The following MTSS1 variants were observed in gnomAD, a reference collection of about 807,000 sequenced individuals.
MTSS1 encodes MTSS I-BAR domain containing 1, also known as protein MTSS 1.
In MTSS1, 18 loss-of-function variants were observed where a neutral mutation model predicts 79.0. The ratio of observed to expected loss-of-function variants is 0.23; its 90% CI spans 0.16 to 0.34. The LOEUF (loss-of-function observed/expected upper bound fraction) is 0.34. MTSS1 is among the 10% of genes least tolerant of loss of function. The probability of loss-of-function intolerance (pLI) is 1.00; values close to 1 mark genes in which losing one functional copy is unlikely to be tolerated. For synonymous variants in MTSS1, 341 were observed against 368.6 expected, an observed-to-expected ratio of 0.93 and a Z score of 0.86; for missense variants, 815 against 986.2, an observed-to-expected ratio of 0.83 and a Z score of 2.33.
At chr8:124,661,135 T>G (rs751075524) in intron 3 of MTSS1, among the ~76,000 whole-genome samples, 7 of 152,178 alleles carry the variant, frequency 4.6e-5, no homozygotes, top group African/African-American at 1.2e-4. Context: ...AGAACCTTCA[T>G]CCTTGGAGGA....
At chr8:124,646,790 G>T (rs1207449963) in intron 3 of MTSS1, among the ~76,000 whole-genome samples, 1 of 150,446 alleles carries the variant, frequency 6.6e-6, no homozygotes, top group East Asian at 2.0e-4. Flanking sequence ...TTTCCTCATG[G>T]TTAAAAAAAA....
chr8:124,562,927 G>A lies in MTSS1; in HGVS notation c.890C>T (p.Ser297Leu), dbSNP rs1016891861. Residue 297 changes from serine (S) to leucine (L), a missense_variant, in exon 10 of 14, where the codon TCA becomes TTA. Coordinates refer to ENST00000518547, the MANE Select transcript of MTSS1 (RefSeq NM_014751.6). ...GTTGGAGCTGCGGTAGCGGTAATGT[G>A]AGCTGGGGGAATGCGAGTGGGAGCC... is the stretch of plus-strand genomic sequence containing the variant. ...SSGSHSHSPS[S>L]HYRYRSSNLA... The A allele has an allele frequency of 2.1e-5, 34 of 1,613,700 alleles. No homozygotes were observed. Among genetic ancestry groups the A allele is most frequent in the Non-Finnish European group, 2.8e-5 (33 of 1,179,880 alleles).
At chr8:124,681,410 G>A (rs191277153) in intron 3 of MTSS1, among the ~76,000 whole-genome samples, 60 of 152,180 alleles carry the variant, frequency 3.9e-4, no homozygotes, top group African/African-American at 1.3e-3. Flanking sequence ...AAATATCCAC[G>A]ATAAAAATGT....
rs1825050686 is a variant in MTSS1 at position 124,675,177 on chromosome 8, A to C, written c.208+24349T>G. Among the ~76,000 whole-genome samples, 3 of 152,354 alleles carry C rather than the reference A, an allele frequency of 2.0e-5. No individual in the cohort carries two copies. The South Asian group carries it at 6.2e-4, about 32-fold the overall frequency. On this transcript the variant is annotated intron_variant, in intron 3 of 13. Transcript: ENST00000518547. ...GCAGAATAGAAGCTTCTTGAGGAAC[A>C]CTGATCTTTCACTAGTCTACCCAAT...
At chr8:124,690,441 G>A (rs1175243914) in intron 3 of MTSS1, among the ~76,000 whole-genome samples, 4 of 152,172 alleles carry the variant, frequency 2.6e-5, no homozygotes, top group Non-Finnish European at 5.9e-5. Flanking sequence ...CCTGCCCTGA[G>A]GATCCAGGAT....
chr8:124,704,108 T>C (rs201485755), intron 2 of MTSS1, 22 bp downstream of exon 2: 846 of 1,611,780 alleles, frequency 5.2e-4, no homozygotes, highest in Non-Finnish European at 6.3e-4. Flanking sequence ...CCTTTTCCTG[T>C]AGAACATGTG....
chr8:124,709,745 C>A (rs1830892658), intron 1 of MTSS1, among the ~76,000 whole-genome samples: 1 of 152,184 alleles, frequency 6.6e-6, no homozygotes, highest in African/African-American at 2.4e-5. Context: ...AGAGATGGGG[C>A]TTCCCTGAAC....
intron 3 of MTSS1, among the ~76,000 whole-genome samples, chr8:124,634,412 T>A (rs906160656): frequency 6.6e-6 from 1 of 152,130 alleles, no homozygotes; most frequent in Non-Finnish European, 1.5e-5. Flanking sequence ...CCTTTCAAAG[T>A]GCTGGGATTA....
intron 3 of MTSS1, among the ~76,000 whole-genome samples, chr8:124,697,053 G>A (rs753722562): frequency 1.3e-5 from 2 of 151,946 alleles, no homozygotes; most frequent in Non-Finnish European, 2.9e-5. Context: ...GCAGTGTCCC[G>A]CCAAGAACCA....
At chr8:124,616,722 T>C (rs893403129) in intron 3 of MTSS1, among the ~76,000 whole-genome samples, 9 of 152,206 alleles carry the variant, frequency 5.9e-5, no homozygotes, top group Admixed American at 2.6e-4. Context: ...GAACCTAGAC[T>C]GACAGTATCA....
intron 3 of MTSS1, among the ~76,000 whole-genome samples, chr8:124,633,073 G>A (rs977457887): frequency 6.6e-6 from 1 of 152,124 alleles, no homozygotes; most frequent in African/African-American, 2.4e-5. Context: ...TGTTTTGGGA[G>A]GCCAAAGCAG....
chr8:124,576,585 A>G (rs1174968511), intron 6 of MTSS1, among the ~76,000 whole-genome samples: 2 of 152,196 alleles, frequency 1.3e-5, no homozygotes, highest in African/African-American at 4.8e-5. Context: ...TCCTGAATGA[A>G]TGAATGAAAG....
intron 3 of MTSS1, among the ~76,000 whole-genome samples, chr8:124,610,306 C>A (rs1004205371): frequency 2.6e-5 from 4 of 152,144 alleles, no homozygotes; most frequent in Admixed American, 2.6e-4. Context: ...TGGAACCGGG[C>A]CCATTAAAAT....
chr8:124,607,142 C>T (rs746312965), intron 3 of MTSS1, among the ~76,000 whole-genome samples: 2 of 152,248 alleles, frequency 1.3e-5, no homozygotes, highest in Non-Finnish European at 2.9e-5. Flanking sequence ...TCGCGTTCTA[C>T]GCTCGTAATA....
chr8:124,652,850 C>CTGAG (rs563655866), intron 3 of MTSS1, among the ~76,000 whole-genome samples: 2 of 151,656 alleles, frequency 1.3e-5, no homozygotes, highest in Non-Finnish European at 2.9e-5. Context: ...AGTGATCCCA[C>CTGAG]TGAGTCTGCT....
At chr8:124,599,482 CAA>C (rs202122400) in intron 3 of MTSS1, among the ~76,000 whole-genome samples, 15 of 85,746 alleles carry the variant, frequency 1.7e-4, no homozygotes, top group South Asian at 3.9e-4. Context: ...GACTCCGTCT[CAA>C]AAAAAAAAAA....
intron 3 of MTSS1, among the ~76,000 whole-genome samples, chr8:124,629,505 C>CAAAAAAAA (rs982816199): frequency 6.4e-5 from 4 of 62,202 alleles, no homozygotes; most frequent in African/African-American, 1.0e-4. Flanking sequence ...GACTCCGTCT[C>CAAAAAAAA]AAAAAAAAAA....
intron 2 of MTSS1, among the ~76,000 whole-genome samples, chr8:124,702,047 G>T (rs1415504416): frequency 6.6e-6 from 1 of 152,162 alleles, no homozygotes; most frequent in Non-Finnish European, 1.5e-5. Context: ...GACAGGTTAA[G>T]ATTACTTTAA....
chr8:124,562,723 C>G, intron 10 of MTSS1, 59 bp downstream of exon 10: 1 of 1,532,912 alleles, frequency 6.5e-7, no homozygotes, highest in Non-Finnish European at 9.0e-7. Context: ...GTTCTGGCCA[C>G]TGACAGTGGT....
Sources: allele counts gnomAD v4.1 joint callset (sites outside exome capture counted in the v4.1 genomes callset), GRCh38; gene constraint gnomAD v4.1.1; transcripts MANE v1.5; gene names NCBI Gene and HGNC (gene_info 2026-07-23, HGNC 2026-07-21).